Variants in PTN observed in about 807,000 individuals in gnomAD.
PTN encodes pleiotrophin.
PTN carries 18 observed loss-of-function variants against 24.1 expected under a neutral mutation model. The ratio of observed to expected loss-of-function variants is 0.75; its 90% CI spans 0.52 to 1.11. The LOEUF (loss-of-function observed/expected upper bound fraction) is 1.11. PTN is among the 50% of genes least tolerant of loss of function. PTN has a pLI of 0.00. For synonymous variants in PTN, 78 were observed against 68.6 expected (o/e 1.14, Z -0.67); for missense variants, 163 against 198.8 (o/e 0.82, Z 1.08).
chr7:137,313,548 A>G (rs1351404512), intron 1 of PTN, among the ~76,000 whole-genome samples: 2 of 152,170 alleles, frequency 1.3e-5, no homozygotes, highest in Non-Finnish European at 2.9e-5. Flanking sequence ...TCGATCCCTC[A>G]CTGTTTAAAC....
intron 4 of PTN, among the ~76,000 whole-genome samples, chr7:137,247,045 A>G (rs974086866): frequency 6.6e-6 from 1 of 152,322 alleles, no homozygotes; most frequent in South Asian, 2.1e-4. Context: ...CCCTACTTCT[A>G]TCTCCTTCAC....
At chr7:137,312,538 C>T (rs946743753) in intron 1 of PTN, among the ~76,000 whole-genome samples, 2 of 152,230 alleles carry the variant, frequency 1.3e-5, no homozygotes, top group African/African-American at 4.8e-5. Context: ...CTTTCCAATT[C>T]AGCTTAAACA....
At chr7:137,305,823 G>A (rs1809879526) in intron 1 of PTN, among the ~76,000 whole-genome samples, 1 of 152,176 alleles carries the variant, frequency 6.6e-6, no homozygotes, top group East Asian at 1.9e-4. Context: ...CAGGGAACTT[G>A]AGCATCTTCA....
At chr7:137,232,792 C>T (rs532767287) in intron 4 of PTN, among the ~76,000 whole-genome samples, 8 of 151,940 alleles carry the variant, frequency 5.3e-5, no homozygotes, top group African/African-American at 1.2e-4. Flanking sequence ...TGGATCATGG[C>T]GGCAGTTTCC....
chr7:137,241,401 A>T (rs933451698), intron 4 of PTN, among the ~76,000 whole-genome samples: 1 of 152,212 alleles, frequency 6.6e-6, no homozygotes, highest in Non-Finnish European at 1.5e-5. Context: ...CTCAAAACAC[A>T]CTAAGCTCTC....
chr7:137,243,725 G>A (rs1808673353), intron 4 of PTN, among the ~76,000 whole-genome samples: 1 of 152,168 alleles, frequency 6.6e-6, no homozygotes, highest in African/African-American at 2.4e-5. Flanking sequence ...CAAATGTGGG[G>A]AGATTGGATA....
intron 1 of PTN, among the ~76,000 whole-genome samples, chr7:137,311,774 T>G: frequency 7.8e-6 from 1 of 128,260 alleles, no homozygotes; most frequent in African/African-American, 5.2e-5. Context: ...CCAAAACAAT[T>G]ACAACAGTAA....
chr7:137,251,241 G>T lies in PTN; in HGVS notation c.440C>A (p.Pro147His). The change falls in exon 4 of 5, where the codon CCC becomes CAC. Residue 147 changes from proline (P) to histidine (H), a missense_variant. Pro to His is a moderately conservative substitution (Grantham distance 77, BLOSUM62 -2). Coordinates refer to ENST00000348225, the MANE Select transcript of PTN (RefSeq NM_002825.7). ...ISKPCGKLTK[P>H]KPQAESKKKK... ...TGGCAAGGACTTACCTTGAGGTTTG[G>T]GCTTGGTCAGTTTGCCACAGGGCTT... The T allele has an allele frequency of 6.2e-7, 1 of 1,614,074 alleles. No homozygotes were observed.
At chr7:137,255,383 A>T (rs994960584) in intron 1 of PTN, among the ~76,000 whole-genome samples, 1 of 152,240 alleles carries the variant, frequency 6.6e-6, no homozygotes, top group East Asian at 1.9e-4. Context: ...CACAGCAATG[A>T]TACTGCTGTA....
chr7:137,271,806 A>G (rs1809279930), intron 1 of PTN, among the ~76,000 whole-genome samples: 1 of 152,244 alleles, frequency 6.6e-6, no homozygotes, highest in Non-Finnish European at 1.5e-5. Context: ...AACTCTGGCT[A>G]GGGAATGTGA....
intron 1 of PTN, among the ~76,000 whole-genome samples, chr7:137,273,710 C>A (rs1475585235): frequency 6.6e-6 from 1 of 151,938 alleles, no homozygotes; most frequent in African/African-American, 2.4e-5. Flanking sequence ...ATCCTGGGAG[C>A]TGTGAGGGGG....
chr7:137,307,599 C>CTA (rs145563387), intron 1 of PTN, among the ~76,000 whole-genome samples: 57 of 151,124 alleles, frequency 3.8e-4, no homozygotes, highest in East Asian at 1.2e-3. Flanking sequence ...ATGTCTATGA[C>CTA]TATATATATA....
At position 137,254,832 on chromosome 7, in the gene PTN, T is replaced by C; in HGVS notation, c.115+27A>G. ...TAGATGGACATTAATCAATGAAGCA[T>C]CTTGCCTTCAGAACCCTACTGCTTA... On this transcript the variant is annotated intron_variant, in intron 2 of 4. Transcript: ENST00000348225. The C allele has an allele frequency of 2.1e-6, 3 of 1,455,132 alleles. No individual in the cohort carries two copies. The South Asian group carries it at 4.1e-5, about 20-fold the overall frequency. The allele number at this position is 1,455,132 out of a possible 1,614,324, so 90.1% of individuals were successfully genotyped here. A position where few individuals can be genotyped will look rare whatever the true frequency, so the allele number is the denominator to read the frequency against.
At chr7:137,266,723 G>A (rs1032150043) in intron 1 of PTN, among the ~76,000 whole-genome samples, 1 of 150,140 alleles carries the variant, frequency 6.7e-6, no homozygotes, top group Non-Finnish European at 1.5e-5. Flanking sequence ...CACAAGATTA[G>A]AAGTTACTAT....
chr7:137,309,096 T>C (rs141779579), intron 1 of PTN, among the ~76,000 whole-genome samples: 39 of 152,290 alleles, frequency 2.6e-4, no homozygotes, highest in African/African-American at 9.1e-4. Flanking sequence ...GAAACTGATG[T>C]ACGGCCATAC....
intron 1 of PTN, among the ~76,000 whole-genome samples, chr7:137,267,655 C>A (rs1809180587): frequency 6.6e-6 from 1 of 152,106 alleles, no homozygotes; most frequent in Admixed American, 6.5e-5. Context: ...GTGGGGTGGG[C>A]TTAGTTTGTA....
chr7:137,338,973 A>G (rs1490985456), intron 1 of PTN, among the ~76,000 whole-genome samples: 1 of 152,166 alleles, frequency 6.6e-6, no homozygotes, highest in Non-Finnish European at 1.5e-5. Context: ...GAGAGGAGAG[A>G]GGAAGGCGGG....
chr7:137,314,245 C>T (rs531029499), intron 1 of PTN, among the ~76,000 whole-genome samples: 14 of 152,132 alleles, frequency 9.2e-5, no homozygotes, highest in Non-Finnish European at 2.1e-4. Context: ...CAGAATAGGG[C>T]ATACATTGAG....
At chr7:137,273,809 A>G (rs947175296) in intron 1 of PTN, among the ~76,000 whole-genome samples, 5 of 152,144 alleles carry the variant, frequency 3.3e-5, no homozygotes, top group African/African-American at 7.2e-5. Flanking sequence ...TTGCATGAAC[A>G]TGACTAAAAC....
Sources: gnomAD v4.1 joint callset for allele counts (sites outside exome capture counted in the v4.1 genomes callset) on GRCh38, gnomAD v4.1.1 for gene constraint, MANE v1.5 for transcripts, NCBI Gene and HGNC (gene_info 2026-07-23, HGNC 2026-07-21) for gene names.